PALM2AKAP2: variants seen among roughly 807,000 people sequenced by gnomAD.
PALM2AKAP2 encodes the protein PALM2 and AKAP2 fusion, also known as PALM2-AKAP2 fusion protein.
In PALM2AKAP2, 37 loss-of-function variants were observed where a neutral mutation model predicts 71.5. The ratio of observed to expected loss-of-function variants is 0.52; its 90% CI spans 0.40 to 0.68. PALM2AKAP2 has a LOEUF of 0.68. PALM2AKAP2 is among the 30% of genes least tolerant of loss of function. PALM2AKAP2 has a pLI of 0.00. For missense variants in PALM2AKAP2, 1,224 were observed against 1,191.8 expected (o/e 1.03, Z -0.40); for synonymous variants, 468 against 478.8 (o/e 0.98, Z 0.29).
chr9:109,907,079 A>G (rs1830461922), intron 3 of PALM2AKAP2, among the ~76,000 whole-genome samples: 1 of 151,898 alleles, frequency 6.6e-6, no homozygotes, highest in Non-Finnish European at 1.5e-5. Context: ...TGCCTTGATC[A>G]TTTTTCTCTT....
At chr9:110,102,180 G>A (rs1246342683) in intron 1 of PALM2AKAP2, among the ~76,000 whole-genome samples, 1 of 152,188 alleles carries the variant, frequency 6.6e-6, no homozygotes, top group Non-Finnish European at 1.5e-5. Context: ...TTCTACCTCT[G>A]TAGGACGGCT....
At chr9:110,138,386 C>T (rs990809211) in exon 2 of PALM2AKAP2, 18 of 1,614,086 alleles carry the variant, frequency 1.1e-5, no homozygotes, top group Non-Finnish European at 1.5e-5. Flanking sequence ...CAGGAAACAG[C>T]GGACTTTGTC....
intron 1 of PALM2AKAP2, among the ~76,000 whole-genome samples, chr9:110,060,846 C>T (rs542229009): frequency 2.0e-5 from 3 of 152,172 alleles, no homozygotes; most frequent in South Asian, 2.1e-4. Context: ...GTGATCCACC[C>T]GCCTCAGCCT....
intron 1 of PALM2AKAP2, among the ~76,000 whole-genome samples, chr9:109,794,641 T>G (rs916032249): frequency 6.6e-6 from 1 of 152,166 alleles, no homozygotes; most frequent in African/African-American, 2.4e-5. Context: ...TAGGTAAAAG[T>G]TGCCCATGGC....
At chr9:109,737,412 G>C (rs947246773) in intron 1 of PALM2AKAP2, among the ~76,000 whole-genome samples, 6 of 152,246 alleles carry the variant, frequency 3.9e-5, no homozygotes, top group Non-Finnish European at 8.8e-5. Context: ...TGTGGCCAAG[G>C]GTGAGGTTCA....
intron 1 of PALM2AKAP2, among the ~76,000 whole-genome samples, chr9:109,647,777 C>G (rs763035366): frequency 6.6e-6 from 1 of 152,174 alleles, no homozygotes; most frequent in Admixed American, 6.5e-5. Context: ...AAATCACTTA[C>G]AAAGACAAAG....
intron 6 of PALM2AKAP2, among the ~76,000 whole-genome samples, chr9:110,000,159 C>T (rs1364626437): frequency 1.4e-5 from 2 of 143,210 alleles, no homozygotes; most frequent in Admixed American, 1.4e-4. Flanking sequence ...TATCCCTCCC[C>T]CCTCCCCCCA....
intron 1 of PALM2AKAP2, among the ~76,000 whole-genome samples, chr9:109,675,443 A>T (rs560364475): frequency 6.6e-6 from 1 of 152,314 alleles, no homozygotes; most frequent in African/African-American, 2.4e-5. Flanking sequence ...TGGTAGGCTA[A>T]ATGCCAATCT....
At chr9:109,860,488 A>G (rs879273337) in intron 1 of PALM2AKAP2, among the ~76,000 whole-genome samples, 5 of 152,206 alleles carry the variant, frequency 3.3e-5, no homozygotes, top group Non-Finnish European at 7.3e-5. Flanking sequence ...ATGAAGTTAT[A>G]TTCAAAGGAA....
intron 1 of PALM2AKAP2, among the ~76,000 whole-genome samples, chr9:109,783,608 C>T (rs904442963): frequency 6.6e-6 from 1 of 152,174 alleles, no homozygotes; most frequent in Admixed American, 6.5e-5. Context: ...CTGAACAGCT[C>T]TTTTTTAATC....
rs1833539611 is a variant in PALM2AKAP2, at chr9:110,043,369, C to A, written c.582+27330C>A. Reference sequence around the variant, plus strand: ...ACTGACTCCTCCCCACCACTCTGGTCTTTCATCCAATTTGAGAGATTTTGT... The same window carrying A: ...ACTGACTCCTCCCCACCACTCTGGTATTTCATCCAATTTGAGAGATTTTGT... On this transcript the variant is annotated intron_variant, in intron 7 of 9. Coordinates refer to the PALM2AKAP2 transcript ENST00000302798. 2.6e-5 allele frequency among the ~76,000 whole-genome samples: 4 copies of A among 152,334 alleles called. No homozygotes were observed. The South Asian group carries it at 8.3e-4, about 32-fold the overall frequency.
intron 1 of PALM2AKAP2, among the ~76,000 whole-genome samples, chr9:109,863,287 C>A (rs1587968915): frequency 6.6e-6 from 1 of 152,118 alleles, no homozygotes; most frequent in Non-Finnish European, 1.5e-5. Flanking sequence ...AGTGGGGAAG[C>A]AAAAGATGTG....
intron 6 of PALM2AKAP2, among the ~76,000 whole-genome samples, chr9:109,953,834 C>CAAAAAAAAA (rs34719180): frequency 1.3e-3 from 61 of 48,390 alleles, no homozygotes; most frequent in Admixed American, 1.5e-3. Flanking sequence ...GACTCCATCT[C>CAAAAAAAAA]AAAAAAAAAA....
At chr9:109,725,885 T>C (rs1411605532) in intron 1 of PALM2AKAP2, among the ~76,000 whole-genome samples, 3 of 152,220 alleles carry the variant, frequency 2.0e-5, no homozygotes, top group Admixed American at 6.5e-5. Context: ...GTGGCAGCTA[T>C]TTTATTTTCT....
intron 3 of PALM2AKAP2, among the ~76,000 whole-genome samples, chr9:109,909,516 T>C (rs1830523257): frequency 1.3e-5 from 2 of 152,318 alleles, no homozygotes; most frequent in Admixed American, 6.5e-5. Flanking sequence ...GCCAGCTAGA[T>C]GCTAGAAGCC....
chr9:109,986,344 GT>G (rs1356324681), intron 6 of PALM2AKAP2, among the ~76,000 whole-genome samples: 1 of 152,148 alleles, frequency 6.6e-6, no homozygotes. Context: ...TAATTTAGCT[GT>G]CAATACTATG....
chr9:109,780,633 G>C (rs1165931275), intron 1 of PALM2AKAP2, 100 bp downstream of exon 1: 4 of 1,524,430 alleles, frequency 2.6e-6, no homozygotes, highest in Non-Finnish European at 3.6e-6. Context: ...AGTAGCCGCA[G>C]GTCATATGTT....
chr9:110,001,217 C>G (rs1463677343), intron 6 of PALM2AKAP2, among the ~76,000 whole-genome samples: 2 of 152,216 alleles, frequency 1.3e-5, no homozygotes, highest in African/African-American at 4.8e-5. Flanking sequence ...GATCCAGTTT[C>G]AGCTTTCTAC....
rs147829238 is a variant in PALM2AKAP2, at chr9:109,864,850, G to T, written c.46-2641G>T. ...TGCCATTTCACCATATCATTCTGTA[G>T]CTTAGAACCCTGCAATGACATTGCA... On this transcript the variant is annotated intron_variant, in intron 1 of 9. Transcript: ENST00000302798. Among the ~76,000 whole-genome samples, 57 of 152,238 alleles carry T rather than the reference G, an allele frequency of 3.7e-4. No individual in the cohort carries two copies. The East Asian group carries it at 7.9e-3, about 21-fold the overall frequency.
Sources: gnomAD v4.1 joint callset for allele counts (sites outside exome capture counted in the v4.1 genomes callset) on GRCh38, gnomAD v4.1.1 for gene constraint, MANE v1.5 for transcripts, NCBI Gene and HGNC (gene_info 2026-07-23, HGNC 2026-07-21) for gene names.